The following FSTL5 variants were observed in gnomAD, a reference collection of about 807,000 sequenced individuals.
FSTL5 encodes follistatin like 5, also known as follistatin-related protein 5.
FSTL5 carries 62 observed loss-of-function variants against 89.1 expected under a neutral mutation model. That is an observed-to-expected ratio of 0.70 (90% CI 0.57 to 0.86). The LOEUF is 0.86. Ranked by LOEUF, FSTL5 falls within the 40% of genes least tolerant of loss-of-function variation. The pLI is 0.00. For synonymous variants in FSTL5, 383 were observed against 346.2 expected (o/e 1.11, Z -1.18); for missense variants, 1,057 against 1,001.6 (o/e 1.06, Z -0.75).
intron 8 of FSTL5, among the ~76,000 whole-genome samples, chr4:161,551,923 T>C (rs576769546): frequency 1.3e-5 from 2 of 152,074 alleles, no homozygotes; most frequent in South Asian, 2.1e-4. Context: ...GACATAGCCA[T>C]GGGCAAGGAC....
At chr4:161,489,522 A>G (rs1729793599) in intron 12 of FSTL5, among the ~76,000 whole-genome samples, 1 of 152,138 alleles carries the variant, frequency 6.6e-6, no homozygotes, top group Non-Finnish European at 1.5e-5. Context: ...TATGGATGAA[A>G]CTAATTTAAA....
At chr4:161,459,094 G>A (rs987329563) in intron 14 of FSTL5, 118 bp downstream of exon 14, 1 of 692,320 alleles carries the variant, frequency 1.4e-6, no homozygotes, top group South Asian at 2.1e-5. Flanking sequence ...ATCTAGTTAT[G>A]ATTAAAGCTG....
chr4:162,005,507 C>T (rs1381590436), intron 3 of FSTL5, among the ~76,000 whole-genome samples: 1 of 151,958 alleles, frequency 6.6e-6, no homozygotes, highest in Admixed American at 6.6e-5. Context: ...GAATGTGAGT[C>T]AAATGGGAAA....
chr4:161,607,215 G>A (rs1176445222), intron 7 of FSTL5, among the ~76,000 whole-genome samples: 1 of 152,108 alleles, frequency 6.6e-6, no homozygotes, highest in Non-Finnish European at 1.5e-5. Flanking sequence ...CCATTATTAT[G>A]AAAATGTAGA....
chr4:161,707,680 C>A (rs1036590728), intron 6 of FSTL5, among the ~76,000 whole-genome samples: 2 of 151,724 alleles, frequency 1.3e-5, no homozygotes, highest in Admixed American at 6.6e-5. Flanking sequence ...ACTTAATTTG[C>A]TAGGACATTT....
At chr4:161,643,999 T>G (rs1485827142) in intron 7 of FSTL5, among the ~76,000 whole-genome samples, 1 of 152,124 alleles carries the variant, frequency 6.6e-6, no homozygotes, top group African/African-American at 2.4e-5. Flanking sequence ...AAAGTTGAAT[T>G]GGTAAAGGTC....
In FSTL5 at chr4:161,686,337, TATATA is replaced by T. The variant is rs1560789729; in HGVS notation, c.728-29848_728-29844del. ...ATATATATATATATATATATATATATATATATATATTTTTTTTTTTTTTTTTTTTT... is the reference window on the plus strand; with the variant it reads ...ATATATATATATATATATATATATATTATATTTTTTTTTTTTTTTTTTTTT... On this transcript the variant is annotated intron_variant, in intron 6 of 15. Coordinates refer to ENST00000306100, the MANE Select transcript of FSTL5 (RefSeq NM_020116.5). Among the ~76,000 whole-genome samples, 61 of 8,354 alleles carry T rather than the reference TATATA, an allele frequency of 7.3e-3. 1 individual carries two copies. The highest frequency in any genetic ancestry group is 0.02 in the East Asian group (3 of 148). 5.5% of individuals were successfully genotyped at this position (8,354 alleles called of 152,430 possible). A position where few individuals can be genotyped will look rare whatever the true frequency, so the allele number is the denominator to read the frequency against.
intron 10 of FSTL5, among the ~76,000 whole-genome samples, chr4:161,535,897 T>C (rs1731593835): frequency 6.6e-6 from 1 of 152,130 alleles, no homozygotes. Flanking sequence ...CATGGAATAC[T>C]ACTCAGCCAT....
intron 8 of FSTL5, among the ~76,000 whole-genome samples, chr4:161,553,666 T>G (rs1197679971): frequency 6.6e-6 from 1 of 151,494 alleles, no homozygotes; most frequent in Non-Finnish European, 1.5e-5. Context: ...TATGTCTTTA[T>G]AAAAGTGTCT....
At chr4:162,057,382 A>G (rs1738580144) in intron 2 of FSTL5, among the ~76,000 whole-genome samples, 1 of 152,206 alleles carries the variant, frequency 6.6e-6, no homozygotes, top group African/African-American at 2.4e-5. Context: ...AAAGTAAAAC[A>G]AAACAGTGTC....
chr4:161,467,145 A>C (rs1039478513), intron 13 of FSTL5, among the ~76,000 whole-genome samples: 2 of 152,044 alleles, frequency 1.3e-5, no homozygotes, highest in Non-Finnish European at 2.9e-5. Context: ...TATTTTTTTC[A>C]AGAAGGCATT....
At chr4:161,878,780 T>C (rs1220298959) in intron 4 of FSTL5, among the ~76,000 whole-genome samples, 1 of 152,172 alleles carries the variant, frequency 6.6e-6, no homozygotes, top group Non-Finnish European at 1.5e-5. Context: ...CCCATTTCTA[T>C]GGTTATTATA....
At chr4:162,069,710 G>A (rs80256525) in intron 2 of FSTL5, among the ~76,000 whole-genome samples, 6,048 of 151,856 alleles carry the variant, frequency 0.04, 179 homozygotes, top group East Asian at 0.11. Flanking sequence ...ATGTTGTCAC[G>A]AATGACAAGA....
At chr4:161,898,387 A>G (rs965201669) in intron 4 of FSTL5, among the ~76,000 whole-genome samples, 1 of 151,540 alleles carries the variant, frequency 6.6e-6, no homozygotes, top group African/African-American at 2.4e-5. Context: ...GTGCACATAA[A>G]TTTTCAACTC....
intron 3 of FSTL5, among the ~76,000 whole-genome samples, chr4:161,948,735 A>G (rs918062321): frequency 6.6e-6 from 1 of 152,092 alleles, no homozygotes; most frequent in African/African-American, 2.4e-5. Flanking sequence ...GATGTGAGCT[A>G]CTGTGCCTGG....
chr4:161,445,484 T>C (rs1489320011), intron 15 of FSTL5, among the ~76,000 whole-genome samples: 1 of 151,972 alleles, frequency 6.6e-6, no homozygotes, highest in East Asian at 1.9e-4. Context: ...GAATTTGAAA[T>C]TTTAACAATG....
chr4:162,016,885 T>C (rs1736930660), intron 3 of FSTL5, among the ~76,000 whole-genome samples: 1 of 150,984 alleles, frequency 6.6e-6, no homozygotes, highest in South Asian at 2.1e-4. Context: ...TTTCAGCATC[T>C]TTTGGAGACA....
chr4:161,893,515 A>C (rs185929506), intron 4 of FSTL5, among the ~76,000 whole-genome samples: 1 of 152,288 alleles, frequency 6.6e-6, no homozygotes, highest in African/African-American at 2.4e-5. Flanking sequence ...CAGCTAAACC[A>C]CTGGCATTAT....
chr4:161,395,600 T>C (rs1387136205), intron 15 of FSTL5, among the ~76,000 whole-genome samples: 2 of 152,128 alleles, frequency 1.3e-5, no homozygotes, highest in Non-Finnish European at 2.9e-5. Context: ...TTTAACTTGG[T>C]AAACTGACTG....
Sources: gnomAD v4.1 joint callset for allele counts (sites outside exome capture counted in the v4.1 genomes callset) on GRCh38, gnomAD v4.1.1 for gene constraint, MANE v1.5 for transcripts, NCBI Gene and HGNC (gene_info 2026-07-23, HGNC 2026-07-21) for gene names.